The following TMEM74 variants were observed in gnomAD, a reference collection of about 807,000 sequenced individuals.
TMEM74 encodes the protein transmembrane protein 74.
TMEM74 carries 13 observed loss-of-function variants against 18.1 expected under a neutral mutation model. The ratio of observed to expected loss-of-function variants is 0.72; its 90% CI spans 0.47 to 1.14. TMEM74 has a LOEUF of 1.14. Among genes scored for constraint, TMEM74 ranks in the 50% most tolerant of loss-of-function variants. TMEM74 has a pLI of 0.00. For synonymous variants in TMEM74, 159 were observed against 146.6 expected, an observed-to-expected ratio of 1.08 and a Z score of -0.61; for missense variants, 372 against 375.9, an observed-to-expected ratio of 0.99 and a Z score of 0.09.
At chr8:108,652,731 A>G in intron 2 of TMEM74, 1 of 532,582 alleles carries the variant, frequency 1.9e-6, no homozygotes, top group Non-Finnish European at 3.5e-6. Context: ...AAGCAAAGAG[A>G]TTCTTTTGGA....
intron 1 of TMEM74, among the ~76,000 whole-genome samples, chr8:108,759,155 G>T (rs918645782): frequency 5.3e-5 from 8 of 151,920 alleles, no homozygotes; most frequent in Non-Finnish European, 8.8e-5. Flanking sequence ...AGTAAAAAGG[G>T]GTATGAGATC....
chr8:108,768,605 G>A (rs983625480), intron 1 of TMEM74, among the ~76,000 whole-genome samples: 8 of 152,052 alleles, frequency 5.3e-5, no homozygotes, highest in Non-Finnish European at 8.8e-5. Context: ...TTTCACACCC[G>A]CGTTTCCCTC....
Position 108,765,407 on chromosome 8 carries a change from C to CTTTTTTTTTTTTTT in TMEM74, n.119+22055_119+22068dup, listed in dbSNP as rs61334796. On this transcript the variant is annotated intron_variant and non_coding_transcript_variant, in intron 1 of 3. Coordinates refer to the TMEM74 transcript ENST00000518838. ...CTAAGGTCTTAGCAGTTTGGAACTA[C>CTTTTTTTTTTTTTT]TTTTTTTTTTTTTTTTTTAGATGGA... 1.6e-3 allele frequency among the ~76,000 whole-genome samples: 195 copies of CTTTTTTTTTTTTTT among 120,678 alleles called. 8 individuals are homozygous for CTTTTTTTTTTTTTT. Among genetic ancestry groups the CTTTTTTTTTTTTTT allele is most frequent in the Middle Eastern group, 4.8e-3 (1 of 210 alleles). The allele number at this position is 120,678 out of a possible 152,430, so 79.2% of individuals were successfully genotyped here.
At chr8:108,642,735 G>T (rs565393142) in intron 2 of TMEM74, among the ~76,000 whole-genome samples, 1 of 152,260 alleles carries the variant, frequency 6.6e-6, no homozygotes, top group South Asian at 2.1e-4. Context: ...GTGAATGAAT[G>T]AACTCATGAA....
intron 1 of TMEM74, among the ~76,000 whole-genome samples, chr8:108,704,461 G>A (rs886961420): frequency 1.3e-5 from 2 of 152,126 alleles, no homozygotes; most frequent in Non-Finnish European, 2.9e-5. Flanking sequence ...ACTTTTTATC[G>A]ATTTGTGATA....
At chr8:108,706,239 T>C (rs1366682354) in intron 1 of TMEM74, among the ~76,000 whole-genome samples, 1 of 152,254 alleles carries the variant, frequency 6.6e-6, no homozygotes. Flanking sequence ...AACTACGTTT[T>C]AGGTTTTATG....
intron 1 of TMEM74, among the ~76,000 whole-genome samples, chr8:108,722,903 A>G (rs1048656860): frequency 6.6e-5 from 10 of 152,232 alleles, no homozygotes; most frequent in Admixed American, 5.9e-4. Context: ...TGATGGCTGC[A>G]TATGCTAGCT....
Position 108,783,061 on chromosome 8 carries a change from C to G in TMEM74, c.*1120G>C, listed in dbSNP as rs182239417. On this transcript the variant is annotated 3_prime_UTR_variant, in exon 2 of 2. Transcript: ENST00000297459. ...AGTGGGAGGTGAGTTCTGACGATGA[C>G]TACAGTCCCCATTAAATCAGTGTAT... Among the ~76,000 whole-genome samples, 2 of 152,278 alleles carry G rather than the reference C, an allele frequency of 1.3e-5. No individual in the cohort carries two copies. Among genetic ancestry groups the G allele is most frequent in the East Asian group, 1.9e-4 (1 of 5,178 alleles).
At chr8:108,649,919 T>C (rs374630444) in intron 2 of TMEM74, among the ~76,000 whole-genome samples, 12 of 152,284 alleles carry the variant, frequency 7.9e-5, no homozygotes, top group East Asian at 1.9e-4. Flanking sequence ...TCGGCTTTCA[T>C]AGACAAAATA....
chr8:108,668,448 T>C (rs936873290), intron 1 of TMEM74, among the ~76,000 whole-genome samples: 2 of 152,186 alleles, frequency 1.3e-5, no homozygotes, highest in African/African-American at 4.8e-5. Context: ...TGACATGTCA[T>C]AACAAAATAA....
intron 2 of TMEM74, among the ~76,000 whole-genome samples, chr8:108,645,201 G>A (rs77096234): frequency 0.024 from 3,672 of 152,216 alleles, 88 homozygotes; most frequent in African/African-American, 0.055. Flanking sequence ...GACCTTTGCA[G>A]CAACATAGAT....
intron 3 of TMEM74, among the ~76,000 whole-genome samples, chr8:108,608,533 C>A (rs1013449726): frequency 5.9e-5 from 9 of 152,216 alleles, no homozygotes; most frequent in Non-Finnish European, 1.0e-4. Flanking sequence ...AACACTCAAG[C>A]CTTTGGAGTA....
At chr8:108,668,684 C>T (rs1812973156) in intron 1 of TMEM74, among the ~76,000 whole-genome samples, 1 of 152,290 alleles carries the variant, frequency 6.6e-6, no homozygotes, top group South Asian at 2.1e-4. Flanking sequence ...TTCAAGAATA[C>T]ATAGTTGGGT....
At chr8:108,765,543 G>A (rs1228302459) in intron 1 of TMEM74, among the ~76,000 whole-genome samples, 1 of 151,122 alleles carries the variant, frequency 6.6e-6, no homozygotes, top group Non-Finnish European at 1.5e-5. Flanking sequence ...AGTAGCTTGG[G>A]ATTACAGGCA....
At chr8:108,636,568 T>C (rs1379941210) in intron 2 of TMEM74, among the ~76,000 whole-genome samples, 2 of 151,420 alleles carry the variant, frequency 1.3e-5, no homozygotes, top group East Asian at 3.9e-4. Context: ...ACCCCAAAGA[T>C]CTAAAAACTA....
rs1554630285 is a variant in TMEM74 at position 108,657,877 on chromosome 8, T to TATATATATATATTAATTAC, written n.120-2441_120-2440insGTAATTAATATATATATAT. ...AAAAAAAAATATATATATATATATA[T>TATATATATATATTAATTAC]ATATATATATATATATATATATATA... On this transcript the variant is annotated intron_variant and non_coding_transcript_variant, in intron 1 of 3. Transcript: ENST00000518838. Among the ~76,000 whole-genome samples, 140 of 70,874 alleles carry TATATATATATATTAATTAC rather than the reference T, an allele frequency of 2.0e-3. 4 individuals carry two copies. Among genetic ancestry groups the TATATATATATATTAATTAC allele is most frequent in the African/African-American group, 7.6e-3 (124 of 16,334 alleles). The allele number at this position is 70,874 out of a possible 152,430, so 46.5% of individuals were successfully genotyped here. A position where few individuals can be genotyped will look rare whatever the true frequency, so the allele number is the denominator to read the frequency against.
chr8:108,728,094 G>C (rs1813659164), intron 1 of TMEM74, among the ~76,000 whole-genome samples: 1 of 152,210 alleles, frequency 6.6e-6, no homozygotes, highest in Non-Finnish European at 1.5e-5. Flanking sequence ...GAGAGAATTA[G>C]AAGAAAGGGA....
intron 1 of TMEM74, among the ~76,000 whole-genome samples, chr8:108,671,046 C>T (rs60799657): frequency 0.029 from 4,470 of 152,098 alleles, 122 homozygotes; most frequent in African/African-American, 0.066. Context: ...TTTCATTAGT[C>T]CTCTCAGTGG....
chr8:108,726,053 T>C (rs1385345620), intron 1 of TMEM74, among the ~76,000 whole-genome samples: 1 of 152,154 alleles, frequency 6.6e-6, no homozygotes, highest in East Asian at 1.9e-4. Flanking sequence ...TACTATCAGA[T>C]TTATTATGGA....
Sources: allele counts gnomAD v4.1 joint callset (sites outside exome capture counted in the v4.1 genomes callset), GRCh38; gene constraint gnomAD v4.1.1; transcripts MANE v1.5; gene names NCBI Gene and HGNC (gene_info 2026-07-23, HGNC 2026-07-21).